XKR9: variants seen among roughly 807,000 people sequenced by gnomAD.
The protein encoded by XKR9 is XK related 9, also known as XK-related protein 9.
A neutral mutation model predicts 32.0 loss-of-function variants in XKR9; 32 were observed. The observed-to-expected ratio is 1.00, with a 90% CI of 0.76 to 1.34. XKR9 has a LOEUF of 1.34. Ranked by LOEUF, XKR9 falls within the 40% of genes most tolerant of loss-of-function variation. The pLI is 0.00. For missense variants in XKR9, 546 were observed against 429.7 expected, an observed-to-expected ratio of 1.27 and a Z score of -2.39; for synonymous variants, 168 against 143.4, an observed-to-expected ratio of 1.17 and a Z score of -1.22.
chr8:70,791,606 C>T (rs896387740), downstream of XKR9, among the ~76,000 whole-genome samples: 5 of 151,982 alleles, frequency 3.3e-5, no homozygotes, highest in Non-Finnish European at 7.4e-5. Flanking sequence ...CTTTCTTTCT[C>T]TTTCCCCCAC....
intron 4 of XKR9, among the ~76,000 whole-genome samples, chr8:70,712,986 C>T (rs139074701): frequency 5.5e-4 from 84 of 152,170 alleles, no homozygotes; most frequent in African/African-American, 2.0e-3. Flanking sequence ...ATCAGTGAGA[C>T]TTGAACTTTT....
At chr8:70,704,325 A>G (rs1805644983) in intron 3 of XKR9, among the ~76,000 whole-genome samples, 2 of 152,186 alleles carry the variant, frequency 1.3e-5, no homozygotes, top group South Asian at 4.1e-4. Flanking sequence ...TATATTTGCC[A>G]TTAATTGTTT....
chr8:70,674,534 A>G (rs1201488435), intron 1 of XKR9, among the ~76,000 whole-genome samples: 2 of 152,254 alleles, frequency 1.3e-5, no homozygotes, highest in Admixed American at 1.3e-4. Context: ...CCTCCTTTTC[A>G]AACATGACAT....
the XKR9 span, among the ~76,000 whole-genome samples, chr8:70,963,403 T>A: frequency 2.6e-5 from 4 of 152,244 alleles, no homozygotes; most frequent in Non-Finnish European, 4.4e-5. Context: ...GTCTTTGCTG[T>A]TGTGAGTAGT....
intron 4 of XKR9, among the ~76,000 whole-genome samples, chr8:70,709,417 C>T (rs570588577): frequency 1.3e-5 from 2 of 152,294 alleles, no homozygotes; most frequent in South Asian, 4.1e-4. Context: ...ATTCTCACCA[C>T]TCCTGCTCCA....
chr8:70,784,550 G>T (rs1417031906), intron 2 of XKR9, among the ~76,000 whole-genome samples: 2 of 151,358 alleles, frequency 1.3e-5, no homozygotes, highest in Non-Finnish European at 2.9e-5. Flanking sequence ...TTTGTACCTT[G>T]CAACTTTACT....
chr8:71,033,852 A>G, the XKR9 span, among the ~76,000 whole-genome samples: 1 of 152,198 alleles, frequency 6.6e-6, no homozygotes, highest in African/African-American at 2.4e-5. Flanking sequence ...TGTGAGCCAA[A>G]TAAACTTCTT....
At chr8:70,801,391 T>C in the XKR9 span, among the ~76,000 whole-genome samples, 1 of 152,190 alleles carries the variant, frequency 6.6e-6, no homozygotes, top group African/African-American at 2.4e-5. Flanking sequence ...TGGTTTCAAA[T>C]AATTTGTTTC....
the XKR9 span, among the ~76,000 whole-genome samples, chr8:70,808,383 G>A: frequency 2.5e-3 from 385 of 152,196 alleles, no homozygotes; most frequent in African/African-American, 8.9e-3. Context: ...TGCAGAAGAT[G>A]TATGATTTCT....
chr8:70,741,147 G>T (rs1460482043), intron 2 of XKR9, among the ~76,000 whole-genome samples: 3 of 152,250 alleles, frequency 2.0e-5, no homozygotes, highest in Non-Finnish European at 4.4e-5. Flanking sequence ...GGGCTGCTTT[G>T]TTTACCTAAG....
At chr8:70,755,857 A>G (rs1173936695) in intron 2 of XKR9, among the ~76,000 whole-genome samples, 3 of 151,718 alleles carry the variant, frequency 2.0e-5, no homozygotes, top group Admixed American at 6.6e-5. Context: ...ACATGTATAC[A>G]TATGTAACTA....
chr8:70,953,001 G>A, the XKR9 span, among the ~76,000 whole-genome samples: 2 of 152,162 alleles, frequency 1.3e-5, no homozygotes, highest in African/African-American at 2.4e-5. Flanking sequence ...TGTCAAGTTC[G>A]CACGGAGAAC....
At chr8:70,725,292 T>C (rs1004880398) in intron 4 of XKR9, among the ~76,000 whole-genome samples, 3 of 152,076 alleles carry the variant, frequency 2.0e-5, no homozygotes, top group Non-Finnish European at 4.4e-5. Flanking sequence ...TTACCAGAAA[T>C]TGTGATGTTG....
intron 2 of XKR9, among the ~76,000 whole-genome samples, chr8:70,748,189 G>T (rs1017576676): frequency 1.8e-4 from 28 of 152,204 alleles, no homozygotes; most frequent in Admixed American, 1.8e-3. Context: ...GTGTGGCTGG[G>T]GCTGCCCTGT....
At chr8:70,934,279 G>T in the XKR9 span, among the ~76,000 whole-genome samples, 3 of 151,910 alleles carry the variant, frequency 2.0e-5, no homozygotes, top group African/African-American at 7.2e-5. Context: ...AACTTTTCTT[G>T]CCAATACTAA....
chr8:70,925,344 CA>C, the XKR9 span, among the ~76,000 whole-genome samples: 191 of 151,302 alleles, frequency 1.3e-3, no homozygotes, highest in Non-Finnish European at 2.1e-3. Context: ...TAGATGGATT[CA>C]AAAAAAAGAA....
the XKR9 span, among the ~76,000 whole-genome samples, chr8:70,859,475 C>A: frequency 6.6e-6 from 1 of 152,026 alleles, no homozygotes; most frequent in African/African-American, 2.4e-5. Context: ...AAAAATAGAT[C>A]CAGCAATCCC....
chr8:70,818,555 G>A, the XKR9 span, among the ~76,000 whole-genome samples: 7 of 152,226 alleles, frequency 4.6e-5, no homozygotes, highest in East Asian at 7.7e-4. Context: ...AAATGAATGA[G>A]TAAATGAATA....
At chr8:70,876,724 T>A in the XKR9 span, among the ~76,000 whole-genome samples, 1 of 152,244 alleles carries the variant, frequency 6.6e-6, no homozygotes, top group Non-Finnish European at 1.5e-5. Context: ...GAGTAACACC[T>A]TCACTCAGAA....
Sources: gnomAD v4.1 joint callset for allele counts (sites outside exome capture counted in the v4.1 genomes callset) on GRCh38, gnomAD v4.1.1 for gene constraint, MANE v1.5 for transcripts, NCBI Gene and HGNC (gene_info 2026-07-23, HGNC 2026-07-21) for gene names.